ODAD3: variants seen among roughly 807,000 people sequenced by gnomAD.
The protein encoded by ODAD3 is outer dynein arm-docking complex subunit 3.
A neutral mutation model predicts 70.9 loss-of-function variants in ODAD3; 57 were observed. That is an observed-to-expected ratio of 0.80 (90% CI 0.65 to 1.00). The LOEUF (loss-of-function observed/expected upper bound fraction) is 1.00, where lower values mean the gene tolerates loss of function less well. Ranked by LOEUF, ODAD3 falls within the 50% of genes least tolerant of loss-of-function variation. The pLI is 0.00. For missense variants in ODAD3, 797 were observed against 763.9 expected (o/e 1.04, Z -0.51); for synonymous variants, 327 against 315.9 (o/e 1.04, Z -0.37).
In ODAD3 at chr19:11,425,622, T is replaced by C. The variant is rs1207386107; in HGVS notation, c.963+522A>G. Among the ~76,000 whole-genome samples the C allele has an allele frequency of 2.3e-4, 31 of 134,498 alleles. 3 individuals are homozygous for C. The highest frequency in any genetic ancestry group is 1.1e-3 in the African/African-American group (31 of 28,220). 88.2% of individuals were successfully genotyped at this position (134,498 alleles called of 152,430 possible). ...ATATATGTGTGTGTATATATGCATA[T>C]ATGCATATATGTATATATATGTATA... is the stretch of plus-strand genomic sequence containing the variant. On this transcript the variant is annotated intron_variant, in intron 7 of 12. Transcript: ENST00000356392.
intron 1 of ODAD3, among the ~76,000 whole-genome samples, chr19:11,433,521 TC>T (rs1969547079): frequency 6.6e-6 from 1 of 152,228 alleles, no homozygotes; most frequent in African/African-American, 2.4e-5. Flanking sequence ...ACTGTTACTA[TC>T]CCCATTTCAC....
chr19:11,426,497 C>T lies in ODAD3; in HGVS notation c.789G>A (p.Glu263=), dbSNP rs1363179986. ...AEVVRTKHEL[E]ALHVVNQEAL... is the part of the protein sequence containing the mutation. ...CCTCTTGGTTCACCACGTGCAGTGC[C>T]TCCAGCTCATGTTTGGTCCTCACCA... The change falls in exon 6 of 13, where the codon GAG becomes GAA. Residue 263 remains glutamate (E), a synonymous_variant. Coordinates refer to ENST00000356392, the MANE Select transcript of ODAD3 (RefSeq NM_145045.5). The T allele has an allele frequency of 1.2e-6, 2 of 1,614,092 alleles. No homozygotes were observed. Among genetic ancestry groups the T allele is most frequent in the Admixed American group, 1.7e-5 (1 of 60,008 alleles).
chr19:11,422,029 T>A lies in ODAD3; in HGVS notation c.1435-197A>T, dbSNP rs1317751983. 6.6e-6 allele frequency among the ~76,000 whole-genome samples: 1 copy of A among 151,862 alleles called. No homozygotes were observed. Among genetic ancestry groups the A allele is most frequent in the African/African-American group, 2.4e-5 (1 of 41,324 alleles). The stretch of plus-strand genomic sequence containing the variant: ...GGGGAGCCTCTGAACTCTAACTCTA[T>A]ATGTAAAGGTTTCGGGGAGGCCTCT... On this transcript the variant is annotated intron_variant, in intron 10 of 12. Transcript: ENST00000356392. This position sits in a 1 kb window ranked among gnomAD's most constrained non-coding sequence, Gnocchi z 4.6.
In ODAD3 at chr19:11,431,015, C is replaced by T. The variant is rs148235598; in HGVS notation, c.250G>A (p.Asp84Asn). The T allele has an allele frequency of 6.2e-7, 1 of 1,613,968 alleles. No individual in the cohort carries two copies. The highest frequency in any genetic ancestry group is 1.7e-5 in the Admixed American group (1 of 59,980). The change falls in exon 2 of 13, where the codon GAC becomes AAC. Residue 84 changes from aspartate to asparagine, a missense_variant. Physicochemically the swap from Asp to Asn is conservative, Grantham distance 23. Transcript: ENST00000356392. ...GAGCTCTCAAAAAAAGCCTTCCGGT[C>T]ACCCTCTGGCAGGCAGGTGAGGTGG... is the stretch of plus-strand genomic sequence containing the variant. ...LHKKIQLLEG[D>N]RKAFFESSQW...
chr19:11,420,633 C>T lies in ODAD3; in HGVS notation c.*202G>A. On this transcript the variant is annotated 3_prime_UTR_variant, in exon 13 of 13. Transcript: ENST00000356392. ...GGTCGGTAACATTTATTGCGCAACT[C>T]TGAGGCCGGGGCGGACCCAGCTGGG... 3.3e-6 allele frequency: 2 copies of T among 598,382 alleles called. No homozygotes were observed. Among genetic ancestry groups the T allele is most frequent in the Non-Finnish European group, 5.9e-6 (2 of 336,818 alleles). The allele number at this position is 598,382 out of a possible 1,614,324, so 37.1% of individuals were successfully genotyped here.
chr19:11,425,099 ATATG>A lies in ODAD3; in HGVS notation c.963+1041_963+1044del, dbSNP rs1308971739. 1.8e-4 allele frequency among the ~76,000 whole-genome samples: 25 copies of A among 135,176 alleles called. 7 individuals are homozygous for A. Among genetic ancestry groups the A allele is most frequent in the African/African-American group, 6.9e-4 (22 of 31,964 alleles). 88.7% of individuals were successfully genotyped at this position (135,176 alleles called of 152,430 possible). On this transcript the variant is annotated intron_variant, in intron 7 of 12. Transcript: ENST00000356392. ...TATGTGTATATGTACATATGTGTAT[ATATG>A]TATATATGTGTATATGTACATATGT...
chr19:11,420,724 G>A lies in ODAD3; in HGVS notation c.*111C>T. 2.2e-6 allele frequency: 2 copies of A among 923,736 alleles called. No homozygotes were observed. Among genetic ancestry groups the A allele is most frequent in the Non-Finnish European group, 3.4e-6 (2 of 594,766 alleles). 57.2% of individuals were successfully genotyped at this position (923,736 alleles called of 1,614,324 possible). A position where few individuals can be genotyped will look rare whatever the true frequency, so the allele number is the denominator to read the frequency against. ...CCTCCGGGCGCCGCTGGCCGCCTCCGTTCCCGGTCCGGGCCGCGTTCAGCC... is the reference window on the plus strand; with the variant it reads ...CCTCCGGGCGCCGCTGGCCGCCTCCATTCCCGGTCCGGGCCGCGTTCAGCC... On this transcript the variant is annotated 3_prime_UTR_variant, in exon 13 of 13. Coordinates refer to ENST00000356392, the MANE Select transcript of ODAD3 (RefSeq NM_145045.5).
At chr19:11,426,109 T>A in intron 7 of ODAD3, 35 bp downstream of exon 7, 1 of 1,594,530 alleles carries the variant, frequency 6.3e-7, no homozygotes, top group African/African-American at 1.3e-5. Flanking sequence ...TGGGCTGGGC[T>A]GGAGTCACAG....
chr19:11,428,861 TTTTATTTATTTATTTA>T (rs1195887473), intron 3 of ODAD3, among the ~76,000 whole-genome samples: 42 of 135,764 alleles, frequency 3.1e-4, no homozygotes, highest in East Asian at 1.0e-3. Context: ...GTGTTTTATT[TTTTATTTATTTATTTA>T]TTTATTTATT....
At chr19:11,421,578 C>G (rs906414976) in intron 11 of ODAD3, 99 bp downstream of exon 11, 1 of 1,446,022 alleles carries the variant, frequency 6.9e-7, no homozygotes, top group African/African-American at 1.4e-5. Flanking sequence ...GGCTGATCAG[C>G]CTGCAATCTG....
intron 1 of ODAD3, chr19:11,434,561 T>C: frequency 2.7e-6 from 1 of 372,524 alleles, no homozygotes; most frequent in Non-Finnish European, 4.5e-6. Flanking sequence ...ATAGAGAAAA[T>C]AAATTACAAG....
chr19:11,427,641 C>G (rs1191245292), intron 3 of ODAD3, among the ~76,000 whole-genome samples: 1 of 151,928 alleles, frequency 6.6e-6, no homozygotes, highest in Non-Finnish European at 1.5e-5. Context: ...GCCACTACAC[C>G]CGGCTAATTT....
rs1296861770 is a variant in ODAD3 at position 11,434,223 on chromosome 19, A to C, written c.244+550T>G. ...GCAAGACCCTGTCTCAAAAAACAAA[A>C]AACAAAACAAAAAAAAACGCGGGTG... is the stretch of plus-strand genomic sequence containing the variant. On this transcript the variant is annotated intron_variant, in intron 1 of 12. Transcript: ENST00000356392. Among the ~76,000 whole-genome samples, 10 of 147,530 alleles carry C rather than the reference A, an allele frequency of 6.8e-5. 1 individual carries two copies. The highest frequency in any genetic ancestry group is 2.1e-4 in the South Asian group (1 of 4,740).
intron 1 of ODAD3, among the ~76,000 whole-genome samples, chr19:11,431,422 ATAT>A (rs1969501625): frequency 6.6e-6 from 1 of 151,892 alleles, no homozygotes; most frequent in African/African-American, 2.4e-5. Flanking sequence ...CATCAACTTA[ATAT>A]TATAAGAATG....
intron 7 of ODAD3, among the ~76,000 whole-genome samples, chr19:11,425,749 G>T (rs963818153): frequency 1.5e-4 from 23 of 149,828 alleles, no homozygotes; most frequent in Non-Finnish European, 3.1e-4. Context: ...TTTGGTGAGG[G>T]CTGGATGGGA....
intron 7 of ODAD3, among the ~76,000 whole-genome samples, chr19:11,425,125 ATG>A (rs1568348935): frequency 3.1e-5 from 4 of 130,884 alleles, no homozygotes; most frequent in South Asian, 2.4e-4. Flanking sequence ...ATATGTACAT[ATG>A]TGTATATGTG....
rs916471310 is a variant in ODAD3 at position 11,422,128 on chromosome 19, G to C, written c.1435-296C>G. On this transcript the variant is annotated intron_variant, in intron 10 of 12. Coordinates refer to ENST00000356392, the MANE Select transcript of ODAD3 (RefSeq NM_145045.5). This position sits in a 1 kb window ranked among gnomAD's most constrained non-coding sequence, Gnocchi z 4.6. Reference sequence around the variant, plus strand: ...AGAAATGGCCCTCTGCTGCGGGCAGGATAGGTCTTCTGTCTCGGGCTGCTC... The same window carrying C: ...AGAAATGGCCCTCTGCTGCGGGCAGCATAGGTCTTCTGTCTCGGGCTGCTC... Among the ~76,000 whole-genome samples, 2 of 152,354 alleles carry C rather than the reference G, an allele frequency of 1.3e-5. No individual in the cohort carries two copies. The highest frequency in any genetic ancestry group is 1.3e-4 in the Admixed American group (2 of 15,298).
chr19:11,430,626 G>A, intron 3 of ODAD3, 73 bp downstream of exon 3: 1 of 1,388,452 alleles, frequency 7.2e-7, no homozygotes, highest in Non-Finnish European at 1.0e-6. Context: ...ATTGGAGAGG[G>A]TGAGCCTGGA....
chr19:11,425,243 G>A (rs553507521), intron 7 of ODAD3, among the ~76,000 whole-genome samples: 1 of 127,024 alleles, frequency 7.9e-6, no homozygotes. Flanking sequence ...GTACATATGT[G>A]TATATATGTA....
Sources: gnomAD v4.1 joint callset for allele counts (sites outside exome capture counted in the v4.1 genomes callset) on GRCh38, gnomAD v4.1.1 for gene constraint, Gnocchi (gnomAD v3.1) non-coding constraint, MANE v1.5 for transcripts, NCBI Gene and HGNC (gene_info 2026-07-23, HGNC 2026-07-21) for gene names.